RBBP8: variants seen among roughly 807,000 people sequenced by gnomAD.
RBBP8 encodes the protein RB binding protein 8, endonuclease.
Under a neutral mutation model 108.3 loss-of-function variants are expected in RBBP8, and 88 were observed. The ratio of observed to expected loss-of-function variants is 0.81; its 90% CI spans 0.68 to 0.97. RBBP8 has a LOEUF of 0.97. RBBP8 is among the 50% of genes least tolerant of loss of function. RBBP8 has a pLI of 0.00. For missense variants in RBBP8, 1,023 were observed against 1,049.0 expected (o/e 0.98, Z 0.34); for synonymous variants, 332 against 348.2 (o/e 0.95, Z 0.52).
At chr18:23,007,330 T>C (rs2046071319) in intron 16 of RBBP8, among the ~76,000 whole-genome samples, 1 of 152,052 alleles carries the variant, frequency 6.6e-6, no homozygotes, top group African/African-American at 2.4e-5. Flanking sequence ...CTGTCTGTTT[T>C]ATTATTTTTT....
At chr18:22,938,433 C>T (rs1408022043) in intron 2 of RBBP8, among the ~76,000 whole-genome samples, 2 of 152,124 alleles carry the variant, frequency 1.3e-5, no homozygotes, top group Non-Finnish European at 1.5e-5. Flanking sequence ...GGTGATCTCC[C>T]GCCTTGGCCT....
chr18:22,981,473 C>T (rs1914927327), intron 6 of RBBP8, among the ~76,000 whole-genome samples: 1 of 152,162 alleles, frequency 6.6e-6, no homozygotes, highest in African/African-American at 2.4e-5. Context: ...TAAATGACTT[C>T]TGTATCTTCA....
At chr18:22,946,230 A>G (rs890758147) in intron 2 of RBBP8, 4 of 518,066 alleles carry the variant, frequency 7.7e-6, no homozygotes, top group Non-Finnish European at 1.3e-5. Flanking sequence ...TAGATGGGGA[A>G]AATGTTATTC....
At chr18:23,007,802 A>G (rs546808452) in intron 16 of RBBP8, among the ~76,000 whole-genome samples, 2 of 149,678 alleles carry the variant, frequency 1.3e-5, no homozygotes, top group South Asian at 2.1e-4. Flanking sequence ...ACCTTTAAGC[A>G]TGTTTTGTTT....
At chr18:22,971,398 A>G (rs909397819) in intron 5 of RBBP8, among the ~76,000 whole-genome samples, 3 of 152,052 alleles carry the variant, frequency 2.0e-5, no homozygotes, top group Non-Finnish European at 4.4e-5. Flanking sequence ...TACATACTTT[A>G]TTGGCCTAAG....
chr18:22,982,741 C>T (rs894907601), intron 7 of RBBP8, among the ~76,000 whole-genome samples: 17 of 151,968 alleles, frequency 1.1e-4, no homozygotes, highest in African/African-American at 3.6e-4. Context: ...TCCTGTGTAC[C>T]AGGTATTATG....
In RBBP8 at chr18:23,026,294, T is replaced by C; in HGVS notation, c.*54T>C. 6.9e-7 allele frequency: 1 copy of C among 1,446,140 alleles called. No individual in the cohort carries two copies. Among genetic ancestry groups the C allele is most frequent in the Non-Finnish European group, 9.7e-7 (1 of 1,032,696 alleles). The allele number at this position is 1,446,140 out of a possible 1,614,324, so 89.6% of individuals were successfully genotyped here. On this transcript the variant is annotated 3_prime_UTR_variant, in exon 19 of 19. Transcript: ENST00000327155. Reference sequence around the variant, plus strand: ...GACAGTTTTTTCCTTCTTAGTTATTTATAGTTAAAGTTGGTACTAAACATT... The same window carrying C: ...GACAGTTTTTTCCTTCTTAGTTATTCATAGTTAAAGTTGGTACTAAACATT...
In RBBP8 at chr18:22,946,465, A is replaced by T; in HGVS notation, c.131A>T (p.Lys44Met). 1.2e-6 allele frequency: 2 copies of T among 1,612,872 alleles called. No individual in the cohort carries two copies. The highest frequency in any genetic ancestry group is 1.7e-6 in the Non-Finnish European group (2 of 1,179,254). The change falls in exon 3 of 19, where the codon AAG becomes ATG. Residue 44 changes from lysine to methionine, a missense_variant. Transcript: ENST00000327155. The stretch of plus-strand genomic sequence containing the variant: ...TCAGGTTTACAAGTAAAAGTAACCA[A>T]GCTAAAACAGGAACGAATCTTGTAA... ...EVQGLQVKVT[K>M]LKQERILDAQ...
intron 3 of RBBP8, among the ~76,000 whole-genome samples, chr18:22,918,595 T>TGAA (rs1458071851): frequency 6.6e-6 from 1 of 152,232 alleles, no homozygotes; most frequent in Admixed American, 6.5e-5. Flanking sequence ...TGGCTGTACC[T>TGAA]TACTTGTGCC....
chr18:22,992,835 CA>C lies in RBBP8; in HGVS notation c.1012del (p.Ser338ValfsTer3). 1 of 1,612,530 alleles carries C rather than the reference CA, an allele frequency of 6.2e-7. No homozygotes were observed. Among genetic ancestry groups the C allele is most frequent in the Non-Finnish European group, 8.5e-7 (1 of 1,178,722 alleles). ...CTGTATTTGGAGCTACCTCTAGTAT[CA>C]AAAGTGGTTTAGATTTGAATACAAG... ...SPVFGATSSI[K>X]SGLDLNTSLS... is the part of the protein sequence containing the mutation. On this transcript the variant is annotated frameshift_variant, in exon 11 of 19. Transcript: ENST00000327155. LOFTEE classifies it high-confidence loss of function.
At chr18:22,967,365 C>A (rs77432994) in intron 4 of RBBP8, among the ~76,000 whole-genome samples, 1,663 of 107,124 alleles carry the variant, frequency 0.016, no homozygotes, top group African/African-American at 0.026. Context: ...GACTCCGTCT[C>A]AAAAAAAAAA....
chr18:22,973,519 C>G (rs1304168531), intron 5 of RBBP8, among the ~76,000 whole-genome samples: 3 of 152,144 alleles, frequency 2.0e-5, no homozygotes, highest in Non-Finnish European at 4.4e-5. Flanking sequence ...GTTTATCCAC[C>G]TCTACATAGG....
intron 8 of RBBP8, among the ~76,000 whole-genome samples, chr18:22,985,849 G>A (rs984044890): frequency 6.6e-6 from 1 of 151,092 alleles, no homozygotes; most frequent in South Asian, 2.1e-4. Context: ...GAAACTAGAT[G>A]AGATTACCAA....
At chr18:22,932,530 T>C (rs1458336398), upstream of RBBP8, among the ~76,000 whole-genome samples, 1 of 152,190 alleles carries the variant, frequency 6.6e-6, no homozygotes, top group East Asian at 1.9e-4. Flanking sequence ...CCACTTTGTA[T>C]TTATGATTTC....
At chr18:22,957,291 C>CT (rs11418623) in intron 4 of RBBP8, among the ~76,000 whole-genome samples, 54,627 of 92,988 alleles carry the variant, frequency 0.59, 17,410 homozygotes, top group South Asian at 0.66. Flanking sequence ...ATTACTTTTT[C>CT]TTTTTTTTTT....
Position 22,992,936 on chromosome 18 carries a change from C to T in RBBP8, c.1109C>T (p.Ser370Phe). The change falls in exon 11 of 19, where the codon TCT (serine) becomes TTT (phenylalanine). Residue 370 changes from serine to phenylalanine, a missense_variant. Coordinates refer to ENST00000327155, the MANE Select transcript of RBBP8 (RefSeq NM_002894.3). ...KTLPFSNTCI[S>F]RLEKTRSKSE... is the part of the protein sequence containing the mutation. ...CTCCCTTTTAGCAACACTTGTATAT[C>T]TAGATTAGAAAAAACTAGATCAAAA... The T allele has an allele frequency of 5.6e-6, 9 of 1,613,538 alleles. No individual in the cohort carries two copies. The highest frequency in any genetic ancestry group is 6.8e-6 in the Non-Finnish European group (8 of 1,179,610).
chr18:22,920,675 T>G (rs895935753), intron 3 of RBBP8: 7 of 152,190 alleles, frequency 4.6e-5, no homozygotes, highest in Non-Finnish European at 8.8e-5. Context: ...GATTATAACT[T>G]TATGTAGCTA....
rs780021385 is a variant in RBBP8 at position 22,997,722 on chromosome 18, G to A, written c.2131G>A (p.Glu711Lys). ...AATGAAGAAGCAAGAGCAGAAGGGAGAAAAAAGTTCAAGTAAGATCTGTTT... is the reference window on the plus strand; with the variant it reads ...AATGAAGAAGCAAGAGCAGAAGGGAAAAAAAAGTTCAAGTAAGATCTGTTT... ...LKMKKQEQKG[E>K]KSSNEERKMN... Residue 711 changes from glutamate (E) to lysine (K), a missense_variant, in exon 14 of 19, where the codon GAA becomes AAA. Physicochemically the swap from Glu to Lys is moderately conservative, Grantham distance 56 (BLOSUM62 1). Coordinates refer to ENST00000327155, the MANE Select transcript of RBBP8 (RefSeq NM_002894.3). 5 of 1,591,454 alleles carry A rather than the reference G, an allele frequency of 3.1e-6. No homozygotes were observed. Among genetic ancestry groups the A allele is most frequent in the Admixed American group, 1.7e-5 (1 of 59,294 alleles).
At chr18:22,918,398 C>A (rs1567935701) in intron 3 of RBBP8, among the ~76,000 whole-genome samples, 2 of 152,142 alleles carry the variant, frequency 1.3e-5, no homozygotes, top group Non-Finnish European at 2.9e-5. Context: ...AGGTTATAAA[C>A]CTGTACAGTA....
Sources: gnomAD v4.1 joint callset for allele counts (sites outside exome capture counted in the v4.1 genomes callset) on GRCh38, gnomAD v4.1.1 for gene constraint, MANE v1.5 for transcripts, NCBI Gene and HGNC (gene_info 2026-07-23, HGNC 2026-07-21) for gene names.